APH1B: variants seen among roughly 807,000 people sequenced by gnomAD.
APH1B encodes the protein gamma-secretase subunit APH-1B.
A neutral mutation model predicts 28.2 loss-of-function variants in APH1B; 27 were observed. The ratio of observed to expected loss-of-function variants is 0.96; its 90% CI spans 0.70 to 1.32. The LOEUF is 1.32. Among genes scored for constraint, APH1B ranks in the 40% most tolerant of loss-of-function variants. The pLI, the probability that APH1B is intolerant of heterozygous loss-of-function variation, is 0.00. For synonymous variants in APH1B, 141 were observed against 124.6 expected (o/e 1.13, Z -0.88); for missense variants, 305 against 313.6 (o/e 0.97, Z 0.21).
At chr15:63,293,140 G>T (rs1289384907) in intron 4 of APH1B, among the ~76,000 whole-genome samples, 1 of 151,600 alleles carries the variant, frequency 6.6e-6, no homozygotes, top group Non-Finnish European at 1.5e-5. Context: ...TTTATTTTTA[G>T]TTATTTATTT....
intron 4 of APH1B, among the ~76,000 whole-genome samples, chr15:63,289,997 T>C (rs1466598019): frequency 6.6e-6 from 1 of 151,738 alleles, no homozygotes; most frequent in African/African-American, 2.4e-5. Flanking sequence ...AGGGATACTC[T>C]GTTTCAAGAG....
At chr15:63,279,119 G>C in intron 1 of APH1B, 42 bp from the exon 2 acceptor site, 1 of 1,444,346 alleles carries the variant, frequency 6.9e-7, no homozygotes, top group Non-Finnish European at 9.4e-7. Context: ...TATTAATCCT[G>C]TACTGATGTT....
intron 5 of APH1B, among the ~76,000 whole-genome samples, chr15:63,303,872 ACAACACACACAC>A (rs1209206715): frequency 9.1e-5 from 6 of 66,246 alleles, no homozygotes; most frequent in South Asian, 6.2e-4. Flanking sequence ...ACACACACAC[ACAACACACACAC>A]ACACACACAC....
intron 4 of APH1B, among the ~76,000 whole-genome samples, chr15:63,290,007 G>GA (rs78177590): frequency 6.2e-4 from 82 of 131,752 alleles, no homozygotes; most frequent in East Asian, 5.9e-3. Flanking sequence ...TGTTTCAAGA[G>GA]AAAAAAAAAA....
chr15:63,303,310 C>G (rs895667825), intron 5 of APH1B, among the ~76,000 whole-genome samples: 1 of 150,652 alleles, frequency 6.6e-6, no homozygotes, highest in Non-Finnish European at 1.5e-5. Context: ...AACACCACAG[C>G]TTGGTGCTGC....
chr15:63,283,106 G>A (rs1030648820), intron 2 of APH1B, among the ~76,000 whole-genome samples: 3 of 152,140 alleles, frequency 2.0e-5, no homozygotes, highest in Non-Finnish European at 4.4e-5. Flanking sequence ...AGAACTCTTA[G>A]TGCTGTTAGT....
intron 3 of APH1B, among the ~76,000 whole-genome samples, chr15:63,286,852 G>A (rs1294957815): frequency 6.6e-6 from 1 of 152,176 alleles, no homozygotes; most frequent in Non-Finnish European, 1.5e-5. Flanking sequence ...AACCAGGTTT[G>A]AAAGTTAGAT....
chr15:63,283,907 T>C (rs967110001), intron 2 of APH1B, among the ~76,000 whole-genome samples: 2 of 152,186 alleles, frequency 1.3e-5, no homozygotes, highest in Non-Finnish European at 2.9e-5. Flanking sequence ...TTGTATGTGA[T>C]TATCTAGTTG....
At chr15:63,277,879 T>C in intron 1 of APH1B, 143 bp downstream of exon 1, 2 of 810,548 alleles carry the variant, frequency 2.5e-6, no homozygotes, top group South Asian at 1.8e-5. Context: ...AGAGCGGAGA[T>C]CCGGCTCCCC....
At position 63,305,667 on chromosome 15, in the gene APH1B, G is replaced by C. The variant is rs758322412; in HGVS notation, c.660G>C (p.Leu220=). The C allele has an allele frequency of 2.3e-5, 37 of 1,614,022 alleles. No individual in the cohort carries two copies. In the East Asian group the frequency reaches 8.0e-4, roughly 35 times the overall value. ...GINLASAFII[L]VLMGTWAFLA... ...ACCTGGCGTCAGCATTTATAATCCT[G>C]GTGCTCATGGGCACCTGGGCATTCT... Residue 220 remains leucine, a synonymous_variant, in exon 6 of 6, where the codon CTG becomes CTC. Transcript: ENST00000261879.
rs76961287 is a variant in APH1B at position 63,300,614 on chromosome 15, G to T, written c.479-1731G>T. Among the ~76,000 whole-genome samples the T allele has an allele frequency of 4.2e-3, 635 of 152,292 alleles. 4 individuals carry two copies. The highest frequency in any genetic ancestry group is 0.015 in the African/African-American group (609 of 41,556). ...CTCCTTTTCCGGGGTCATCACCGGG[G>T]TTAAAATACATCACTTTAGCTTCAT... On this transcript the variant is annotated intron_variant, in intron 4 of 5. Coordinates refer to ENST00000261879, the MANE Select transcript of APH1B (RefSeq NM_031301.4).
chr15:63,290,543 G>T (rs1167392528), intron 4 of APH1B, among the ~76,000 whole-genome samples: 1 of 152,118 alleles, frequency 6.6e-6, no homozygotes, highest in Non-Finnish European at 1.5e-5. Flanking sequence ...ATTCATAGTG[G>T]GGAATAAAGA....
intron 2 of APH1B, among the ~76,000 whole-genome samples, chr15:63,279,959 G>A (rs1051507403): frequency 6.6e-6 from 1 of 151,904 alleles, no homozygotes; most frequent in Non-Finnish European, 1.5e-5. Flanking sequence ...CACCATGCCC[G>A]GCTAATTTTT....
At chr15:63,285,669 G>T (rs1363852307) in intron 2 of APH1B, among the ~76,000 whole-genome samples, 3 of 152,176 alleles carry the variant, frequency 2.0e-5, no homozygotes, top group African/African-American at 7.2e-5. Context: ...ACAGGATCTT[G>T]CTGTGTGGTC....
chr15:63,281,671 G>A (rs1427836461), intron 2 of APH1B, among the ~76,000 whole-genome samples: 8 of 151,728 alleles, frequency 5.3e-5, no homozygotes, highest in African/African-American at 1.5e-4. Flanking sequence ...GCATCTTCAT[G>A]GTTTCCACCT....
intron 4 of APH1B, among the ~76,000 whole-genome samples, chr15:63,295,949 G>A (rs1567031050): frequency 6.6e-6 from 1 of 152,174 alleles, no homozygotes; most frequent in Admixed American, 6.5e-5. Context: ...GCTAATTTGA[G>A]GAGAGTGTTT....
chr15:63,287,301 A>T, intron 3 of APH1B, 123 bp from the exon 4 acceptor site: 1 of 1,349,226 alleles, frequency 7.4e-7, no homozygotes, highest in Non-Finnish European at 1.0e-6. Flanking sequence ...CCAGCTGTCC[A>T]CTGCTTCAGG....
At chr15:63,301,414 A>G (rs114004105) in intron 4 of APH1B, among the ~76,000 whole-genome samples, 1,669 of 152,284 alleles carry the variant, frequency 0.011, 28 homozygotes, top group African/African-American at 0.038. Flanking sequence ...TGCAGAATAT[A>G]TAGGGCTTGC....
chr15:63,303,347 A>G (rs143124135), intron 5 of APH1B, among the ~76,000 whole-genome samples: 1 of 13,848 alleles, frequency 7.2e-5, no homozygotes, highest in Non-Finnish European at 4.9e-4. Flanking sequence ...CAACAGAGTC[A>G]CACAACGTTT....
Sources: allele counts gnomAD v4.1 joint callset (sites outside exome capture counted in the v4.1 genomes callset), GRCh38; gene constraint gnomAD v4.1.1; transcripts MANE v1.5; gene names NCBI Gene and HGNC (gene_info 2026-07-23, HGNC 2026-07-21).